The following SLC39A12 variants were observed in gnomAD, a reference collection of about 807,000 sequenced individuals.
The protein encoded by SLC39A12 is zinc transporter ZIP12.
In SLC39A12, 63 loss-of-function variants were observed where a neutral mutation model predicts 71.1. That is an observed-to-expected ratio of 0.89 (90% CI 0.72 to 1.09). SLC39A12 has a LOEUF of 1.09. SLC39A12 is among the 50% of genes least tolerant of loss of function. The pLI is 0.00. For synonymous variants in SLC39A12, 351 were observed against 301.3 expected (o/e 1.16, Z -1.71); for missense variants, 892 against 812.6 (o/e 1.10, Z -1.19).
intron 4 of SLC39A12, among the ~76,000 whole-genome samples, chr10:17,976,370 G>A (rs1189220569): frequency 6.6e-6 from 1 of 152,080 alleles, no homozygotes; most frequent in Non-Finnish European, 1.5e-5. Context: ...TAGGTGATGA[G>A]TCATTTTCTT....
chr10:18,014,163 T>C (rs1446367649), intron 12 of SLC39A12, among the ~76,000 whole-genome samples: 1 of 152,188 alleles, frequency 6.6e-6, no homozygotes, highest in Non-Finnish European at 1.5e-5. Context: ...AGTACACAAG[T>C]CTTTCACTTT....
chr10:17,994,267 T>C (rs1835629417), intron 9 of SLC39A12, among the ~76,000 whole-genome samples: 2 of 152,140 alleles, frequency 1.3e-5, no homozygotes, highest in Non-Finnish European at 2.9e-5. Context: ...TAGTGAGTCT[T>C]GAGCTATTTG....
intron 6 of SLC39A12, among the ~76,000 whole-genome samples, chr10:17,986,746 C>T (rs895162244): frequency 6.6e-6 from 1 of 152,184 alleles, no homozygotes; most frequent in African/African-American, 2.4e-5. Flanking sequence ...GTGGCTTATG[C>T]CTGTAATCCC....
intron 4 of SLC39A12, among the ~76,000 whole-genome samples, chr10:17,970,015 G>C (rs1834928858): frequency 6.6e-6 from 1 of 152,154 alleles, no homozygotes; most frequent in Non-Finnish European, 1.5e-5. Flanking sequence ...GGGATGTTCA[G>C]TTTTCCCAGC....
intron 4 of SLC39A12, among the ~76,000 whole-genome samples, chr10:17,968,664 G>C (rs190844060): frequency 2.6e-5 from 4 of 151,394 alleles, no homozygotes; most frequent in Non-Finnish European, 5.9e-5. Flanking sequence ...TCAAATTTTT[G>C]TGGGTACATA....
At chr10:18,036,153 C>T (rs1837007154) in intron 12 of SLC39A12, among the ~76,000 whole-genome samples, 1 of 151,682 alleles carries the variant, frequency 6.6e-6, no homozygotes, top group Non-Finnish European at 1.5e-5. Flanking sequence ...AGGCAGGCCT[C>T]CTTGAGCTGT....
At chr10:18,021,439 GC>G (rs1458076452) in intron 12 of SLC39A12, among the ~76,000 whole-genome samples, 19 of 151,876 alleles carry the variant, frequency 1.3e-4, no homozygotes, top group African/African-American at 4.6e-4. Flanking sequence ...AAGAATAGCA[GC>G]CCCTGCTCTT....
chr10:17,988,809 C>T (rs1264297761), intron 7 of SLC39A12, among the ~76,000 whole-genome samples: 1 of 152,240 alleles, frequency 6.6e-6, no homozygotes, highest in Non-Finnish European at 1.5e-5. Context: ...TGGACAGCTT[C>T]CCCACAGCTC....
intron 9 of SLC39A12, among the ~76,000 whole-genome samples, chr10:17,994,643 C>A (rs538986703): frequency 1.3e-5 from 2 of 152,070 alleles, no homozygotes; most frequent in Admixed American, 1.3e-4. Context: ...TTTCTATATC[C>A]TCCCAATTTC....
rs577446141 is a variant in SLC39A12 at position 17,996,264 on chromosome 10, T to C, written c.1600+542T>C. ...GCTTGATGTTTTTTCTATGATTTTT[T>C]TCTTCTGCATTTAATTTACCAATTT... is the stretch of plus-strand genomic sequence containing the variant. On this transcript the variant is annotated intron_variant, in intron 10 of 12. Transcript: ENST00000377369. Among the ~76,000 whole-genome samples the C allele has an allele frequency of 8.0e-4, 122 of 152,314 alleles. 2 individuals carry two copies. The highest frequency in any genetic ancestry group is 2.9e-3 in the African/African-American group (119 of 41,578).
chr10:18,007,822 C>T (rs1379477055), intron 12 of SLC39A12, among the ~76,000 whole-genome samples: 1 of 152,208 alleles, frequency 6.6e-6, no homozygotes, highest in Non-Finnish European at 1.5e-5. Flanking sequence ...GGTTTCCTTA[C>T]TGCAAACTGT....
chr10:17,958,098 G>A (rs975354200), intron 2 of SLC39A12, among the ~76,000 whole-genome samples: 7 of 152,174 alleles, frequency 4.6e-5, no homozygotes, highest in African/African-American at 1.2e-4. Context: ...CTACCCACAC[G>A]ATTATAGTGC....
At chr10:18,001,783 G>T (rs1272718070) in intron 11 of SLC39A12, 1 of 151,916 alleles carries the variant, frequency 6.6e-6, no homozygotes, top group Non-Finnish European at 1.5e-5. Flanking sequence ...TGCAAAATTG[G>T]GTATCCATCC....
At chr10:17,971,403 A>G (rs1401396820) in intron 4 of SLC39A12, among the ~76,000 whole-genome samples, 1 of 151,438 alleles carries the variant, frequency 6.6e-6, no homozygotes, top group Non-Finnish European at 1.5e-5. Flanking sequence ...TAGTTTGAAT[A>G]GAATTGGTAT....
At chr10:18,026,766 A>T (rs1022256234) in intron 12 of SLC39A12, among the ~76,000 whole-genome samples, 1 of 152,024 alleles carries the variant, frequency 6.6e-6, no homozygotes, top group Admixed American at 6.6e-5. Context: ...AAAATCCTCA[A>T]GCTCAAAGAT....
intron 3 of SLC39A12, among the ~76,000 whole-genome samples, chr10:17,963,266 A>G (rs565060438): frequency 3.3e-5 from 5 of 152,334 alleles, no homozygotes; most frequent in South Asian, 2.1e-4. Flanking sequence ...TTTCTTCAGT[A>G]CAACATCTGT....
chr10:18,018,262 G>A (rs775240852), intron 12 of SLC39A12, among the ~76,000 whole-genome samples: 1 of 152,170 alleles, frequency 6.6e-6, no homozygotes, highest in African/African-American at 2.4e-5. Context: ...ACTTGATTAT[G>A]TGTTCTAGGA....
At chr10:18,034,878 A>G (rs1256763540) in intron 12 of SLC39A12, among the ~76,000 whole-genome samples, 2 of 151,546 alleles carry the variant, frequency 1.3e-5, no homozygotes, top group African/African-American at 2.4e-5. Flanking sequence ...GCTTGTCTGT[A>G]AAGTATTTTA....
At chr10:17,985,267 C>T (rs977416626) in intron 6 of SLC39A12, among the ~76,000 whole-genome samples, 8 of 152,022 alleles carry the variant, frequency 5.3e-5, no homozygotes, top group Non-Finnish European at 7.4e-5. Flanking sequence ...CACTTGAGCC[C>T]GGGAGGTGGA....
Sources: allele counts gnomAD v4.1 joint callset (sites outside exome capture counted in the v4.1 genomes callset), GRCh38; gene constraint gnomAD v4.1.1; transcripts MANE v1.5; gene names NCBI Gene and HGNC (gene_info 2026-07-23, HGNC 2026-07-21).